WWOX: variants seen among roughly 807,000 people sequenced by gnomAD.
WWOX encodes the protein WW domain-containing oxidoreductase.
A neutral mutation model predicts 46.2 loss-of-function variants in WWOX; 69 were observed. That is an observed-to-expected ratio of 1.49 (90% CI 1.23 to 1.82). The LOEUF (loss-of-function observed/expected upper bound fraction) is 1.82. WWOX is among the 40% of genes most tolerant of loss of function. The pLI, the probability that WWOX is intolerant of heterozygous loss-of-function variation, is 0.00. For synonymous variants in WWOX, 359 were observed against 202.6 expected (o/e 1.77, Z -6.56); for missense variants, 919 against 542.6 (o/e 1.69, Z -6.89).
rs548852716 is a variant in WWOX at position 78,700,942 on chromosome 16, A to G, written c.1056+268190A>G. ...GGCAGAGGGCAAGAAATTGATATTT[A>G]TTGAGGGCTCTCAGTGGGTGTTGTA... is the stretch of plus-strand genomic sequence containing the variant. On this transcript the variant is annotated intron_variant, in intron 8 of 8. Coordinates refer to ENST00000566780, the MANE Select transcript of WWOX (RefSeq NM_016373.4). Among the ~76,000 whole-genome samples the G allele has an allele frequency of 1.6e-4, 24 of 152,294 alleles. No homozygotes were observed. The South Asian group carries it at 4.8e-3, about 30-fold the overall frequency.
At chr16:78,865,146 A>C (rs1055953500) in intron 8 of WWOX, among the ~76,000 whole-genome samples, 2 of 151,958 alleles carry the variant, frequency 1.3e-5, no homozygotes, top group African/African-American at 4.8e-5. Flanking sequence ...TGTAAAATAA[A>C]TTCCGTACAT....
At chr16:78,486,306 A>T (rs947516583) in intron 8 of WWOX, among the ~76,000 whole-genome samples, 1 of 152,230 alleles carries the variant, frequency 6.6e-6, no homozygotes, top group African/African-American at 2.4e-5. Context: ...CACTATGCCG[A>T]CTAATAGACA....
At chr16:78,371,794 C>G (rs1236118241) in intron 5 of WWOX, among the ~76,000 whole-genome samples, 1 of 151,366 alleles carries the variant, frequency 6.6e-6, no homozygotes, top group South Asian at 2.1e-4. Context: ...TTTTCTTTAT[C>G]TTTATCATTT....
chr16:78,648,765 C>T (rs939808093), intron 8 of WWOX, among the ~76,000 whole-genome samples: 6 of 152,128 alleles, frequency 3.9e-5, no homozygotes, highest in Non-Finnish European at 5.9e-5. Context: ...AGCTTTCTTT[C>T]TCTCCACCTC....
intron 8 of WWOX, among the ~76,000 whole-genome samples, chr16:79,154,353 G>T (rs993975927): frequency 1.3e-5 from 2 of 152,130 alleles, no homozygotes; most frequent in African/African-American, 4.8e-5. Context: ...CTAGACACCA[G>T]TTCTCTGTTC....
At chr16:79,047,710 G>A (rs1555518202) in intron 8 of WWOX, among the ~76,000 whole-genome samples, 1 of 87,110 alleles carries the variant, frequency 1.1e-5, no homozygotes, top group South Asian at 3.9e-4. Flanking sequence ...TTGCTTGTCA[G>A]TTTGTTTTGG....
At chr16:78,726,965 G>T (rs879582611) in intron 8 of WWOX, among the ~76,000 whole-genome samples, 3 of 152,114 alleles carry the variant, frequency 2.0e-5, no homozygotes, top group Admixed American at 2.0e-4. Context: ...TTGTGTTTTT[G>T]GTCATCCCAA....
At chr16:78,188,746 G>A (rs1241737526) in intron 5 of WWOX, among the ~76,000 whole-genome samples, 1 of 152,142 alleles carries the variant, frequency 6.6e-6, no homozygotes, top group East Asian at 1.9e-4. Flanking sequence ...ACCCATGGGT[G>A]TTAAGATCCT....
chr16:78,687,724 G>A (rs1010262612), intron 8 of WWOX, among the ~76,000 whole-genome samples: 1 of 152,064 alleles, frequency 6.6e-6, no homozygotes, highest in Non-Finnish European at 1.5e-5. Context: ...TCATTTTTAG[G>A]CATTATGTTA....
intron 4 of WWOX, among the ~76,000 whole-genome samples, chr16:78,147,211 T>G (rs3764295): frequency 0.19 from 29,048 of 152,098 alleles, 2,716 homozygotes; most frequent in East Asian, 0.22. Context: ...AGGATTATCC[T>G]TTAATTTAGT....
At chr16:78,607,928 G>A (rs553046070) in intron 8 of WWOX, among the ~76,000 whole-genome samples, 2 of 152,168 alleles carry the variant, frequency 1.3e-5, no homozygotes, top group East Asian at 1.9e-4. Flanking sequence ...AAATATTGCT[G>A]GCTCTGAATT....
At chr16:79,080,383 A>G (rs1443937929) in intron 8 of WWOX, among the ~76,000 whole-genome samples, 1 of 152,228 alleles carries the variant, frequency 6.6e-6, no homozygotes, top group Non-Finnish European at 1.5e-5. Context: ...GAATTTGCAC[A>G]TTATAGTCAC....
chr16:78,704,697 TAGTA>T (rs1490010028), intron 8 of WWOX, among the ~76,000 whole-genome samples: 17 of 152,166 alleles, frequency 1.1e-4, no homozygotes, highest in African/African-American at 3.4e-4. Context: ...AACTGTGTAA[TAGTA>T]AGCAGACAGT....
intron 8 of WWOX, among the ~76,000 whole-genome samples, chr16:78,922,495 C>T (rs185059669): frequency 1.3e-5 from 2 of 151,934 alleles, no homozygotes; most frequent in East Asian, 3.9e-4. Context: ...TCTCGTGCCT[C>T]AGCCTCCTGA....
At chr16:78,748,909 G>T (rs1199430548) in intron 8 of WWOX, among the ~76,000 whole-genome samples, 2 of 152,224 alleles carry the variant, frequency 1.3e-5, no homozygotes, top group Non-Finnish European at 2.9e-5. Context: ...CTGACACATG[G>T]TCTCTTATTT....
intron 8 of WWOX, among the ~76,000 whole-genome samples, chr16:78,679,021 A>G (rs998181123): frequency 2.6e-5 from 4 of 152,188 alleles, no homozygotes; most frequent in African/African-American, 7.2e-5. Flanking sequence ...GAGACAGGAA[A>G]GCAGGGAAGG....
At chr16:78,322,299 G>T (rs150018061) in intron 5 of WWOX, among the ~76,000 whole-genome samples, 1 of 152,060 alleles carries the variant, frequency 6.6e-6, no homozygotes, top group African/African-American at 2.4e-5. Flanking sequence ...AGCATTAAGG[G>T]GAAAAAATGA....
chr16:78,473,076 C>G (rs1038239341), intron 8 of WWOX, among the ~76,000 whole-genome samples: 34 of 152,270 alleles, frequency 2.2e-4, no homozygotes, highest in African/African-American at 7.7e-4. Flanking sequence ...GAAGTTTAAA[C>G]TTGAGTGTCC....
intron 8 of WWOX, among the ~76,000 whole-genome samples, chr16:78,851,667 G>T (rs11150107): frequency 0.77 from 117,793 of 152,132 alleles, 46,355 homozygotes; most frequent in Middle Eastern, 0.88. Context: ...CTTGGCTGAG[G>T]CAATACGTTT....
Sources: gnomAD v4.1 joint callset for allele counts (sites outside exome capture counted in the v4.1 genomes callset) on GRCh38, gnomAD v4.1.1 for gene constraint, MANE v1.5 for transcripts, NCBI Gene and HGNC (gene_info 2026-07-23, HGNC 2026-07-21) for gene names.